RORA: variants seen among roughly 807,000 people sequenced by gnomAD.
The protein encoded by RORA is RAR related orphan receptor A, also known as nuclear receptor ROR-alpha.
RORA carries 7 observed loss-of-function variants against 69.5 expected under a neutral mutation model. That is an observed-to-expected ratio of 0.10 (90% CI 0.06 to 0.19). RORA has a LOEUF of 0.19. RORA is among the 10% of genes least tolerant of loss of function. The pLI is 1.00. For synonymous variants in RORA, 261 were observed against 240.8 expected, an observed-to-expected ratio of 1.08 and a Z score of -0.78; for missense variants, 457 against 663.0, an observed-to-expected ratio of 0.69 and a Z score of 3.41.
At chr15:60,782,221 C>T (rs1249060296) in intron 1 of RORA, among the ~76,000 whole-genome samples, 1 of 151,908 alleles carries the variant, frequency 6.6e-6, no homozygotes, top group African/African-American at 2.4e-5. Context: ...GAGACTCCAA[C>T]TCAGCAAAAA....
intron 1 of RORA, among the ~76,000 whole-genome samples, chr15:60,802,959 A>T (rs8029038): frequency 0.45 from 68,625 of 151,794 alleles, 15,661 homozygotes; most frequent in Middle Eastern, 0.54. Flanking sequence ...TTCTTTTTTA[A>T]AAAAAAAAAT....
chr15:61,200,092 T>A lies in RORA; in HGVS notation c.166+28961A>T, dbSNP rs143368597. 2.6e-5 allele frequency among the ~76,000 whole-genome samples: 4 copies of A among 152,170 alleles called. No homozygotes were observed. The South Asian group carries it at 6.2e-4, about 24-fold the overall frequency. ...TTAGAGCAGTAAGTCAGGGGTGACA[T>A]GAGGAAACTCCTTGGGGAACAGAAA... On this transcript the variant is annotated intron_variant, in intron 1 of 10. Transcript: ENST00000335670.
intron 1 of RORA, among the ~76,000 whole-genome samples, chr15:61,062,282 T>C (rs1033860541): frequency 6.6e-6 from 1 of 152,172 alleles, no homozygotes; most frequent in Non-Finnish European, 1.5e-5. Context: ...CCCAAGTTTG[T>C]CTTTTTCTTA....
chr15:60,961,546 G>A (rs1014297319), intron 1 of RORA, among the ~76,000 whole-genome samples: 9 of 152,222 alleles, frequency 5.9e-5, no homozygotes, highest in Non-Finnish European at 1.0e-4. Context: ...GCCATAAAGC[G>A]TCTCAGCTGC....
intron 1 of RORA, among the ~76,000 whole-genome samples, chr15:61,194,999 G>A (rs28548691): frequency 1.6e-5 from 2 of 128,496 alleles, no homozygotes; most frequent in Non-Finnish European, 3.5e-5. Flanking sequence ...TGCTGTTGTT[G>A]TTAATAATAA....
At chr15:60,943,571 C>T (rs1374264577) in intron 1 of RORA, among the ~76,000 whole-genome samples, 1 of 139,030 alleles carries the variant, frequency 7.2e-6, no homozygotes, top group Admixed American at 7.7e-5. Context: ...GCATTCAGTT[C>T]TATTCTCCAA....
chr15:60,828,968 C>G (rs16943177), intron 1 of RORA, among the ~76,000 whole-genome samples: 5,781 of 152,242 alleles, frequency 0.038, 299 homozygotes, highest in African/African-American at 0.11. Context: ...TCCAGAAATC[C>G]TGCAAAGAAG....
intron 1 of RORA, among the ~76,000 whole-genome samples, chr15:60,684,098 T>C (rs2070700851): frequency 7.1e-6 from 1 of 140,728 alleles, no homozygotes; most frequent in Admixed American, 6.9e-5. Context: ...CTTTTTTTTC[T>C]TTTTTTTTTA....
At chr15:60,523,190 G>T (rs1487174340) in intron 3 of RORA, among the ~76,000 whole-genome samples, 1 of 152,202 alleles carries the variant, frequency 6.6e-6, no homozygotes. Flanking sequence ...GAGTCAGCAA[G>T]GAAGTGGTTC....
chr15:60,927,590 T>C (rs891410875), intron 1 of RORA, among the ~76,000 whole-genome samples: 6 of 152,086 alleles, frequency 3.9e-5, no homozygotes, highest in Non-Finnish European at 7.4e-5. Context: ...CTAGCCAACA[T>C]GGTGAAACCC....
At chr15:60,955,558 A>G (rs557226892) in intron 1 of RORA, among the ~76,000 whole-genome samples, 1 of 152,338 alleles carries the variant, frequency 6.6e-6, no homozygotes, top group Non-Finnish European at 1.5e-5. Context: ...TGCAATACAA[A>G]TATTTTTCAA....
At chr15:60,958,721 T>C (rs550445814) in intron 1 of RORA, among the ~76,000 whole-genome samples, 1 of 152,266 alleles carries the variant, frequency 6.6e-6, no homozygotes, top group African/African-American at 2.4e-5. Flanking sequence ...TAAGAAATAA[T>C]GGCAGCCGTG....
chr15:60,583,747 A>G lies in RORA; in HGVS notation c.197-51896T>C, dbSNP rs556301312. On this transcript the variant is annotated intron_variant, in intron 2 of 10. Coordinates refer to ENST00000335670, the MANE Select transcript of RORA (RefSeq NM_134261.3). ...AAATATTTCAAGTGTGTTAATAACA[A>G]TGCCAGAAATTGCTCACATCTGGCA... Among the ~76,000 whole-genome samples, 14 of 152,320 alleles carry G rather than the reference A, an allele frequency of 9.2e-5. No individual in the cohort carries two copies. The East Asian group carries it at 2.7e-3, about 29-fold the overall frequency.
At chr15:61,103,390 C>T (rs370831818) in intron 1 of RORA, among the ~76,000 whole-genome samples, 4 of 152,208 alleles carry the variant, frequency 2.6e-5, no homozygotes, top group East Asian at 1.9e-4. Context: ...CCTTTGATTC[C>T]GGTAAACTCA....
At chr15:60,542,024 A>G (rs989326981) in intron 2 of RORA, among the ~76,000 whole-genome samples, 5 of 152,234 alleles carry the variant, frequency 3.3e-5, no homozygotes, top group Admixed American at 3.3e-4. Flanking sequence ...CTGTTTGGCA[A>G]TGTGTGTCTC....
At chr15:60,721,242 A>G (rs975871637) in intron 1 of RORA, among the ~76,000 whole-genome samples, 1 of 152,196 alleles carries the variant, frequency 6.6e-6, no homozygotes, top group Non-Finnish European at 1.5e-5. Context: ...AGCTGCACCA[A>G]TTGCCGGGCG....
chr15:60,977,128 A>AAC (rs1427220628), intron 1 of RORA, among the ~76,000 whole-genome samples: 5 of 151,800 alleles, frequency 3.3e-5, no homozygotes, highest in East Asian at 1.9e-4. Flanking sequence ...AAAAAAAAAA[A>AAC]AAACCTATAG....
At chr15:60,786,819 C>T (rs1379764727) in intron 1 of RORA, among the ~76,000 whole-genome samples, 1 of 152,254 alleles carries the variant, frequency 6.6e-6, no homozygotes. Flanking sequence ...ATCCACACCT[C>T]ACTCAGCAAC....
intron 1 of RORA, among the ~76,000 whole-genome samples, chr15:61,058,565 T>G (rs2078127483): frequency 6.6e-6 from 1 of 152,040 alleles, no homozygotes; most frequent in African/African-American, 2.4e-5. Context: ...GTCAGGAAAG[T>G]TACAGACTAA....
Sources: allele counts gnomAD v4.1 joint callset (sites outside exome capture counted in the v4.1 genomes callset), GRCh38; gene constraint gnomAD v4.1.1; transcripts MANE v1.5; gene names NCBI Gene and HGNC (gene_info 2026-07-23, HGNC 2026-07-21).